Variants in IKZF2 observed in about 807,000 individuals in gnomAD.
IKZF2 encodes the protein zinc finger protein Helios.
Under a neutral mutation model 49.2 loss-of-function variants are expected in IKZF2, and 15 were observed. That is an observed-to-expected ratio of 0.30 (90% CI 0.20 to 0.47). The LOEUF is 0.47. Among genes scored for constraint, IKZF2 ranks in the 20% least tolerant of loss-of-function variants. IKZF2 has a pLI of 1.00. For missense variants in IKZF2, 567 were observed against 664.6 expected (o/e 0.85, Z 1.61); for synonymous variants, 227 against 221.4 (o/e 1.03, Z -0.23).
chr2:213,023,436 A>G (rs1697451168), intron 6 of IKZF2, among the ~76,000 whole-genome samples: 1 of 152,186 alleles, frequency 6.6e-6, no homozygotes, highest in Non-Finnish European at 1.5e-5. Context: ...TTATTTATGG[A>G]GTGATTATTC....
intron 4 of IKZF2, among the ~76,000 whole-genome samples, chr2:213,091,917 T>C (rs1017324660): frequency 6.6e-6 from 1 of 151,792 alleles, no homozygotes; most frequent in African/African-American, 2.4e-5. Context: ...TGTGTGTGTA[T>C]GTGTGTGTGT....
chr2:213,021,703 G>T, intron 7 of IKZF2: 1 of 488,098 alleles, frequency 2.0e-6, no homozygotes, highest in South Asian at 1.6e-5. Context: ...AGACTAATGT[G>T]GAATCAGCTC....
chr2:213,027,331 G>A (rs1697917038), intron 6 of IKZF2, among the ~76,000 whole-genome samples: 1 of 151,946 alleles, frequency 6.6e-6, no homozygotes, highest in South Asian at 2.1e-4. Context: ...ATACTATTTG[G>A]CTCAACAGTG....
intron 4 of IKZF2, among the ~76,000 whole-genome samples, chr2:213,070,714 C>T (rs779345269): frequency 2.6e-5 from 4 of 152,058 alleles, no homozygotes; most frequent in Non-Finnish European, 5.9e-5. Flanking sequence ...CAGTACAGAA[C>T]GCCACATGGG....
chr2:213,147,832 T>C lies in IKZF2; in HGVS notation c.35-20A>G, dbSNP rs780269696. ...TGTCACCTGCTTTCACAAAATATAA[T>C]CTTTTGGTTTCTATTCATTGTCACA... On this transcript the variant is annotated intron_variant, in intron 3 of 8. Transcript: ENST00000434687. The C allele has an allele frequency of 1.9e-6, 3 of 1,565,010 alleles. No individual in the cohort carries two copies. The African/African-American group carries it at 4.0e-5, about 21-fold the overall frequency.
In IKZF2 at chr2:213,150,197, G is replaced by A. The variant is rs1313133563; in HGVS notation, c.-69C>T. 1.0e-5 allele frequency: 13 copies of A among 1,302,598 alleles called. No individual in the cohort carries two copies. Among genetic ancestry groups the A allele is most frequent in the African/African-American group, 1.5e-5 (1 of 65,810 alleles). 80.7% of individuals were successfully genotyped at this position (1,302,598 alleles called of 1,614,324 possible). On this transcript the variant is annotated 5_prime_UTR_variant, in exon 2 of 9. Transcript: ENST00000434687. ...ATTCATCACCATTTCCAGCTCTGTC[G>A]GGAGATCTCAGCTTCTTCTAACCCC...
intron 4 of IKZF2, among the ~76,000 whole-genome samples, chr2:213,108,984 C>T (rs1032416263): frequency 4.6e-5 from 7 of 151,846 alleles, no homozygotes; most frequent in African/African-American, 1.7e-4. Flanking sequence ...ACTATATAAA[C>T]TTGTATAATC....
intron 4 of IKZF2, among the ~76,000 whole-genome samples, chr2:213,064,548 T>A (rs558347183): frequency 2.0e-5 from 3 of 152,012 alleles, no homozygotes; most frequent in Admixed American, 2.0e-4. Flanking sequence ...AGTAGCACCA[T>A]TGTGGCCCAC....
intron 4 of IKZF2, among the ~76,000 whole-genome samples, chr2:213,128,872 G>A (rs868252406): frequency 8.0e-5 from 11 of 137,422 alleles, no homozygotes; most frequent in East Asian, 2.2e-4. Flanking sequence ...GGCTGGTCTC[G>A]AACTTCTGAC....
chr2:213,026,986 A>G (rs1360921680), intron 6 of IKZF2, among the ~76,000 whole-genome samples: 1 of 152,100 alleles, frequency 6.6e-6, no homozygotes, highest in African/African-American at 2.4e-5. Flanking sequence ...AAAAAAATCA[A>G]ATAGTCCCAA....
chr2:213,099,925 CT>C (rs1304383384), intron 4 of IKZF2, among the ~76,000 whole-genome samples: 2 of 152,066 alleles, frequency 1.3e-5, no homozygotes, highest in Non-Finnish European at 2.9e-5. Flanking sequence ...GGCTCTACTG[CT>C]TTAGATTCAT....
intron 4 of IKZF2, among the ~76,000 whole-genome samples, chr2:213,093,204 G>C (rs1530238): frequency 0.37 from 55,823 of 151,942 alleles, 12,815 homozygotes; most frequent in East Asian, 0.73. Context: ...ATAGTTGTTT[G>C]TTGCTTTTAG....
At chr2:213,021,505 G>A (rs545464052) in intron 7 of IKZF2, 44 of 262,168 alleles carry the variant, frequency 1.7e-4, no homozygotes, top group African/African-American at 9.4e-4. Flanking sequence ...TTTGCTTGGA[G>A]AATGTTTTTT....
Position 213,007,689 on chromosome 2 carries a change from G to T in IKZF2, c.1252C>A (p.Gln418Lys). 6.2e-7 allele frequency: 1 copy of T among 1,613,760 alleles called. No homozygotes were observed. Among genetic ancestry groups the T allele is most frequent in the Non-Finnish European group, 8.5e-7 (1 of 1,179,768 alleles). The change falls in exon 9 of 9, where the codon CAG becomes AAG. Residue 418 changes from glutamine (Q) to lysine (K), a missense_variant. Physicochemically the swap from Gln to Lys is moderately conservative, Grantham distance 53. Around this residue, in one of 5 missense-constraint regions of IKZF2, gnomAD observed 310 missense variants for 326.9 expected, o/e 0.95. Transcript: ENST00000434687. ...AAGGCAGGGTGTCCTTGGTAGGACT[G>T]GTGGTCATCATGGCTGCTTTCTGAG... ...TDSESSHDDH[Q>K]SYQGHPALNP...
chr2:213,013,842 G>A lies in IKZF2; in HGVS notation c.805C>T (p.Leu269Phe). 3 of 1,611,942 alleles carry A rather than the reference G, an allele frequency of 1.9e-6. No homozygotes were observed. In the South Asian group the frequency reaches 3.3e-5, roughly 18 times the overall value. ...PFERPAVIEK[L>F]TGNMGKRKSS... ...TTACGTTTTCCCATATTCCCCGTGA[G>A]CTTCTCTATGACAGCAGGTCTCTCA... Residue 269 changes from leucine to phenylalanine, a missense_variant, in exon 8 of 9, where the codon CTC becomes TTC. Physicochemically the swap from Leu to Phe is conservative, Grantham distance 22 (BLOSUM62 0). Around this residue, in one of 5 missense-constraint regions of IKZF2, gnomAD observed 310 missense variants for 326.9 expected, o/e 0.95. Transcript: ENST00000434687.
chr2:213,057,581 G>T (rs577543602), intron 4 of IKZF2, among the ~76,000 whole-genome samples: 124 of 152,212 alleles, frequency 8.1e-4, no homozygotes, highest in African/African-American at 2.7e-3. Context: ...CAGGGCAAGA[G>T]AAACAATTCA....
In IKZF2 at chr2:213,007,679, T is replaced by G; in HGVS notation, c.1262A>C (p.Gln421Pro). Reference protein sequence around the residue: ...ESSHDDHQSYQGHPALNPKRK... With the variant: ...ESSHDDHQSYPGHPALNPKRK... ...CTTGGGATTTAAGGCAGGGTGTCCTTGGTAGGACTGGTGGTCATCATGGCT... is the reference window on the plus strand; with the variant it reads ...CTTGGGATTTAAGGCAGGGTGTCCTGGGTAGGACTGGTGGTCATCATGGCT... Residue 421 changes from glutamine to proline, a missense_variant, in exon 9 of 9, where the codon CAA becomes CCA. Gln to Pro is a moderately conservative substitution (Grantham distance 76). Coordinates refer to ENST00000434687, the MANE Select transcript of IKZF2 (RefSeq NM_001387220.1). 6.2e-7 allele frequency: 1 copy of G among 1,613,732 alleles called. No homozygotes were observed. The highest frequency in any genetic ancestry group is 8.5e-7 in the Non-Finnish European group (1 of 1,179,758).
intron 4 of IKZF2, among the ~76,000 whole-genome samples, chr2:213,060,796 T>C (rs1367793857): frequency 6.6e-6 from 1 of 151,528 alleles, no homozygotes; most frequent in Admixed American, 6.6e-5. Flanking sequence ...ATGGCACTTC[T>C]ATTTAGCATT....
At chr2:213,136,214 T>TA (rs1432840915) in intron 4 of IKZF2, among the ~76,000 whole-genome samples, 11 of 142,942 alleles carry the variant, frequency 7.7e-5, no homozygotes, top group African/African-American at 2.1e-4. Flanking sequence ...CACTAAAAAA[T>TA]AAAAAAATTA....
Sources: allele counts gnomAD v4.1 joint callset (sites outside exome capture counted in the v4.1 genomes callset), GRCh38; gene constraint gnomAD v4.1.1; regional missense constraint gnomAD v4.1.1; transcripts MANE v1.5; gene names NCBI Gene and HGNC (gene_info 2026-07-23, HGNC 2026-07-21).